Variants in ESD observed in about 807,000 individuals in gnomAD.
ESD encodes S-formylglutathione hydrolase.
Under a neutral mutation model 38.1 loss-of-function variants are expected in ESD, and 34 were observed. That is an observed-to-expected ratio of 0.89 (90% CI 0.68 to 1.19). The LOEUF (loss-of-function observed/expected upper bound fraction) is 1.19, where lower values mean the gene tolerates loss of function less well. Ranked by LOEUF, ESD falls within the 50% of genes most tolerant of loss-of-function variation. The pLI is 0.00. For missense variants in ESD, 334 were observed against 327.2 expected (o/e 1.02, Z -0.16); for synonymous variants, 97 against 107.0 (o/e 0.91, Z 0.58).
intron 1 of ESD, 59 bp downstream of exon 1, chr13:46,797,046 C>T (rs987704458): frequency 2.6e-5 from 4 of 152,396 alleles, no homozygotes; most frequent in African/African-American, 9.6e-5. Flanking sequence ...CACGCCTAGC[C>T]GTGCCGCAGC....
chr13:46,776,523 T>G (rs1248304180), intron 9 of ESD: 1 of 152,110 alleles, frequency 6.6e-6, no homozygotes, highest in Non-Finnish European at 1.5e-5. Context: ...TATGTGGCCT[T>G]AGATAAGTAG....
chr13:46,786,584 G>A (rs1364719506), intron 4 of ESD, among the ~76,000 whole-genome samples: 1 of 151,874 alleles, frequency 6.6e-6, no homozygotes, highest in Non-Finnish European at 1.5e-5. Context: ...GAAGCTCTAT[G>A]GAGTCCAGTT....
At position 46,782,700 on chromosome 13, in the gene ESD, G is replaced by A. The variant is rs35111834; in HGVS notation, c.348C>T (p.Thr116=). 8,663 of 1,612,056 alleles carry A rather than the reference G, an allele frequency of 5.4e-3. 27 individuals are homozygous for A. The highest frequency in any genetic ancestry group is 6.8e-3 in the Non-Finnish European group (8,073 of 1,178,668). Residue 116 remains threonine, a synonymous_variant, in exon 6 of 10, where the codon ACC becomes ACT. Transcript: ENST00000378720. The part of the protein sequence containing the change: ...YVDATEDPWK[T]NYRMYSYVTE... ...TGACATAAGAGTACATTCTGTAGTT[G>A]GTTTTCCAAGGATCTTCAGTGGCAT...
rs1255893427 is a variant in ESD at position 46,779,935 on chromosome 13, C to T, written c.600G>A (p.Lys200=). The change falls in exon 8 of 10, where the codon AAG becomes AAA. Residue 200 remains lysine, a splice_region_variant and synonymous_variant. Coordinates refer to ENST00000378720, the MANE Select transcript of ESD (RefSeq NM_001984.2). ...GYLGTDQSKW[K]AYDATHLVKS... ...ATTAAGACAGCCATTCAGTACCTAC[C>T]TTCCATTTACTTTGATCTGTTCCCA... is the stretch of plus-strand genomic sequence containing the variant. 1 of 1,598,486 alleles carries T rather than the reference C, an allele frequency of 6.3e-7. No homozygotes were observed. Among genetic ancestry groups the T allele is most frequent in the East Asian group, 2.3e-5 (1 of 44,422 alleles).
rs576677710 is a variant in ESD, at chr13:46,781,206, AGT to A, written c.501+288_501+289del. 5.9e-4 allele frequency among the ~76,000 whole-genome samples: 89 copies of A among 151,858 alleles called. 4 individuals are homozygous for A. Among genetic ancestry groups the A allele is most frequent in the African/African-American group, 2.0e-3 (85 of 41,514 alleles). On this transcript the variant is annotated intron_variant, in intron 7 of 9. Coordinates refer to ENST00000378720, the MANE Select transcript of ESD (RefSeq NM_001984.2). Reference sequence around the variant, plus strand: ...GTAATAATAACCTTTACAGAAAAAAAGTGTGTTCAAAACTATAGTTGGAATAA... The same window carrying A: ...GTAATAATAACCTTTACAGAAAAAAAGTGTTCAAAACTATAGTTGGAATAA...
In ESD at chr13:46,791,328, T is replaced by TA. The variant is rs1875388593; in HGVS notation, c.68+17dup. On this transcript the variant is annotated intron_variant, in intron 3 of 9. Coordinates refer to ENST00000378720, the MANE Select transcript of ESD (RefSeq NM_001984.2). The stretch of plus-strand genomic sequence containing the variant: ...CAACAGAATGAGGTATCTAAAATTA[T>TA]ATCTTCTTAATAGTTACCTGTCATG... The TA allele has an allele frequency of 3.8e-6, 6 of 1,582,774 alleles. No individual in the cohort carries two copies. In the South Asian group the frequency reaches 6.8e-5, roughly 18 times the overall value.
chr13:46,773,451 T>C (rs1874683226), intron 9 of ESD, among the ~76,000 whole-genome samples: 1 of 152,218 alleles, frequency 6.6e-6, no homozygotes, highest in Admixed American at 6.5e-5. Context: ...GAAATGAAAG[T>C]CTAACAAAGA....
At chr13:46,779,055 A>C (rs1874904741) in intron 8 of ESD, among the ~76,000 whole-genome samples, 1 of 151,712 alleles carries the variant, frequency 6.6e-6, no homozygotes, top group African/African-American at 2.4e-5. Context: ...GTTCATTTGC[A>C]AAGTATTCAA....
chr13:46,792,698 T>G (rs376658996), intron 2 of ESD, among the ~76,000 whole-genome samples: 1 of 152,036 alleles, frequency 6.6e-6, no homozygotes, highest in African/African-American at 2.4e-5. Context: ...TTTTATGCTT[T>G]TAATCTATAA....
At chr13:46,777,708 G>A in intron 8 of ESD, 85 bp from the exon 9 acceptor site, 1 of 1,126,304 alleles carries the variant, frequency 8.9e-7, no homozygotes, top group Non-Finnish European at 1.2e-6. Context: ...GAAATTTAAA[G>A]TTATTTAAGC....
Position 46,771,366 on chromosome 13 carries a change from C to A in ESD, c.*50G>T. On this transcript the variant is annotated 3_prime_UTR_variant, in exon 10 of 10. Transcript: ENST00000378720. Reference sequence around the variant, plus strand: ...TTTTTTTTGCTCAGCAATACAGTTGCATTTTACAACTTTTATAATCCTGAA... The same window carrying A: ...TTTTTTTTGCTCAGCAATACAGTTGAATTTTACAACTTTTATAATCCTGAA... 1 of 1,210,908 alleles carries A rather than the reference C, an allele frequency of 8.3e-7. No individual in the cohort carries two copies. Among genetic ancestry groups the A allele is most frequent in the Non-Finnish European group, 1.2e-6 (1 of 852,864 alleles). 75.0% of individuals were successfully genotyped at this position (1,210,908 alleles called of 1,614,324 possible). A position where few individuals can be genotyped will look rare whatever the true frequency, so the allele number is the denominator to read the frequency against.
intron 8 of ESD, 53 bp downstream of exon 8, chr13:46,779,882 T>A (rs754841402): frequency 1.5e-4 from 210 of 1,423,918 alleles, no homozygotes; most frequent in Non-Finnish European, 2.0e-4. Flanking sequence ...TCCAACCTTT[T>A]AAACAAACTT....
intron 6 of ESD, among the ~76,000 whole-genome samples, chr13:46,781,988 A>T (rs1378499738): frequency 6.6e-6 from 1 of 151,876 alleles, no homozygotes; most frequent in Non-Finnish European, 1.5e-5. Context: ...GGGTAAAAAC[A>T]TATACAAAAC....
At chr13:46,784,508 T>C (rs1875123681) in intron 4 of ESD, among the ~76,000 whole-genome samples, 158 bp from the exon 5 acceptor site, 1 of 152,050 alleles carries the variant, frequency 6.6e-6, no homozygotes, top group African/African-American at 2.4e-5. Context: ...GTATCTTTCA[T>C]ACCCCAAACC....
chr13:46,774,237 T>A (rs1874708773), intron 9 of ESD, among the ~76,000 whole-genome samples: 1 of 152,022 alleles, frequency 6.6e-6, no homozygotes, highest in African/African-American at 2.4e-5. Flanking sequence ...CAAATGACCA[T>A]AAGTTCCATA....
chr13:46,786,399 G>A (rs922781792), intron 4 of ESD, among the ~76,000 whole-genome samples: 1 of 151,990 alleles, frequency 6.6e-6, no homozygotes, highest in African/African-American at 2.4e-5. Context: ...CTCTCCTTAT[G>A]TTTGCTTCTG....
At chr13:46,792,206 C>T (rs1437862915) in intron 2 of ESD, among the ~76,000 whole-genome samples, 1 of 152,018 alleles carries the variant, frequency 6.6e-6, no homozygotes, top group Non-Finnish European at 1.5e-5. Context: ...CTGATTCTGA[C>T]ATGTACCTCT....
chr13:46,791,201 G>A, intron 3 of ESD, 145 bp downstream of exon 3: 2 of 598,408 alleles, frequency 3.3e-6, no homozygotes, highest in Non-Finnish European at 5.8e-6. Context: ...TGGTAGAATT[G>A]TCAAATACAT....
At chr13:46,774,427 T>A (rs886885896) in intron 9 of ESD, among the ~76,000 whole-genome samples, 10 of 152,316 alleles carry the variant, frequency 6.6e-5, no homozygotes, top group African/African-American at 2.4e-4. Flanking sequence ...ATCAGTCTTA[T>A]TAAATGGGGA....
Sources: allele counts gnomAD v4.1 joint callset (sites outside exome capture counted in the v4.1 genomes callset), GRCh38; gene constraint gnomAD v4.1.1; transcripts MANE v1.5; gene names NCBI Gene and HGNC (gene_info 2026-07-23, HGNC 2026-07-21).